The following TIAM1 variants were observed in gnomAD, a reference collection of about 807,000 sequenced individuals.
TIAM1 encodes TIAM Rac1 associated GEF 1.
A neutral mutation model predicts 163.5 loss-of-function variants in TIAM1; 65 were observed. The observed-to-expected ratio is 0.40, with a 90% confidence interval of 0.33 to 0.49. The LOEUF is 0.49. Ranked by LOEUF, TIAM1 falls within the 20% of genes least tolerant of loss-of-function variation. The probability of loss-of-function intolerance (pLI) is 0.77; values close to 1 mark genes in which losing one functional copy is unlikely to be tolerated. For synonymous variants in TIAM1, 833 were observed against 810.1 expected (o/e 1.03, Z -0.48); for missense variants, 1,789 against 2,044.7 (o/e 0.87, Z 2.41).
intron 1 of TIAM1, among the ~76,000 whole-genome samples, chr21:31,519,495 C>T (rs568494376): frequency 8.7e-4 from 105 of 120,884 alleles, no homozygotes; most frequent in Non-Finnish European, 1.2e-3. Flanking sequence ...AGCCACAGAG[C>T]GAGATTCTGT....
chr21:31,538,589 C>T (rs1422639021), intron 1 of TIAM1, among the ~76,000 whole-genome samples: 4 of 152,154 alleles, frequency 2.6e-5, no homozygotes, highest in South Asian at 2.1e-4. Context: ...TGCCTGAGGA[C>T]GCCCAGAATT....
At chr21:31,375,423 G>A (rs547171176) in intron 2 of TIAM1, among the ~76,000 whole-genome samples, 1 of 151,908 alleles carries the variant, frequency 6.6e-6, no homozygotes, top group Non-Finnish European at 1.5e-5. Context: ...CTAAACAATG[G>A]GCAAAATACC....
At chr21:31,510,244 C>G (rs899739864) in intron 1 of TIAM1, among the ~76,000 whole-genome samples, 7 of 152,194 alleles carry the variant, frequency 4.6e-5, no homozygotes, top group African/African-American at 1.7e-4. Context: ...GGCCTCTCCT[C>G]GGCTGGCAGA....
Position 31,144,325 on chromosome 21 carries a change from A to G in TIAM1, c.3475+2570T>C, listed in dbSNP as rs1328405449. Among the ~76,000 whole-genome samples the G allele has an allele frequency of 2.0e-5, 3 of 152,364 alleles. No individual in the cohort carries two copies. In the South Asian group the frequency reaches 6.2e-4, roughly 32 times the overall value. On this transcript the variant is annotated intron_variant, in intron 20 of 27. Transcript: ENST00000541036. ...AGAAGGACCTAGGAACTCTTCCCCA[A>G]CAAAATATTCTCGTCCAAAAATATG... is the stretch of plus-strand genomic sequence containing the variant.
chr21:31,529,861 G>T (rs2047917506), intron 1 of TIAM1, among the ~76,000 whole-genome samples: 1 of 152,158 alleles, frequency 6.6e-6, no homozygotes, highest in South Asian at 2.1e-4. Flanking sequence ...TCTCACCAGG[G>T]AAGATTCCAC....
chr21:31,165,024 C>T lies in TIAM1; in HGVS notation c.2929G>A (p.Ala977Thr), dbSNP rs138776918. 29 of 1,613,952 alleles carry T rather than the reference C, an allele frequency of 1.8e-5. No individual in the cohort carries two copies. The highest frequency in any genetic ancestry group is 3.3e-4 in the Middle Eastern group (2 of 6,084). ...TCTGGCCCCTCGGTCTCCTCTGGAG[C>T]GGTCTCAGCACTGCTGCCCTGCTCG... ...CSEQGSSAET[A>T]PEETEGPDLE... Residue 977 changes from alanine to threonine, a missense_variant, in exon 16 of 28, where the codon GCT (alanine) becomes ACT (threonine). Ala to Thr is a moderately conservative substitution (Grantham distance 58). Coordinates refer to ENST00000541036, the MANE Select transcript of TIAM1 (RefSeq NM_001353694.2).
upstream of TIAM1, among the ~76,000 whole-genome samples, chr21:31,344,866 G>C (rs2076117149): frequency 6.6e-6 from 1 of 152,152 alleles, no homozygotes; most frequent in South Asian, 2.1e-4. Flanking sequence ...CTTCCTCGCT[G>C]AAATACATCC....
intron 2 of TIAM1, among the ~76,000 whole-genome samples, chr21:31,323,702 G>A (rs2152260): frequency 0.58 from 87,858 of 151,600 alleles, 25,895 homozygotes; most frequent in South Asian, 0.7. Context: ...ATGGTGGTGC[G>A]GGCCTGTAAT....
chr21:31,280,907 G>C (rs893226928), intron 2 of TIAM1, among the ~76,000 whole-genome samples: 9 of 151,604 alleles, frequency 5.9e-5, no homozygotes, highest in Admixed American at 3.3e-4. Flanking sequence ...TTGAGGACAG[G>C]AGTTCAAGAC....
chr21:31,495,265 T>C (rs2046602060), intron 1 of TIAM1, among the ~76,000 whole-genome samples: 1 of 152,152 alleles, frequency 6.6e-6, no homozygotes, highest in Non-Finnish European at 1.5e-5. Context: ...AAGAGAAATT[T>C]ATTTTCTCAC....
At chr21:31,470,670 G>C (rs1435803370) in intron 1 of TIAM1, among the ~76,000 whole-genome samples, 1 of 152,206 alleles carries the variant, frequency 6.6e-6, no homozygotes, top group Admixed American at 6.5e-5. Context: ...GTGTGTATGT[G>C]TGCATTTTTC....
intron 2 of TIAM1, among the ~76,000 whole-genome samples, chr21:31,378,439 C>T (rs1268566569): frequency 6.6e-6 from 1 of 152,130 alleles, no homozygotes; most frequent in African/African-American, 2.4e-5. Flanking sequence ...AGTCAGTGTC[C>T]CACATAAAGT....
chr21:31,137,246 G>A (rs905277333), intron 22 of TIAM1, among the ~76,000 whole-genome samples: 24 of 152,234 alleles, frequency 1.6e-4, no homozygotes, highest in African/African-American at 5.8e-4. Flanking sequence ...ACAGGCTACC[G>A]TGCTGAGATG....
chr21:31,276,192 T>A (rs2073292352), intron 3 of TIAM1, among the ~76,000 whole-genome samples: 1 of 152,092 alleles, frequency 6.6e-6, no homozygotes, highest in African/African-American at 2.4e-5. Flanking sequence ...GAGACGAAGT[T>A]CTGAAAGTTT....
chr21:31,332,385 T>A (rs931604141), intron 2 of TIAM1, among the ~76,000 whole-genome samples: 5 of 152,118 alleles, frequency 3.3e-5, no homozygotes, highest in African/African-American at 1.2e-4. Flanking sequence ...AACCTAAGGA[T>A]GCAACTCACA....
At chr21:31,508,223 A>C (rs2047094986) in intron 1 of TIAM1, among the ~76,000 whole-genome samples, 1 of 152,048 alleles carries the variant, frequency 6.6e-6, no homozygotes, top group Non-Finnish European at 1.5e-5. Flanking sequence ...GGGAGACTAC[A>C]TTTGCATTGC....
intron 6 of TIAM1, among the ~76,000 whole-genome samples, chr21:31,234,118 C>T (rs2088599486): frequency 1.3e-5 from 2 of 151,986 alleles, no homozygotes; most frequent in African/African-American, 2.4e-5. Flanking sequence ...TTGCTGAAAG[C>T]CCCCAGCATG....
intron 1 of TIAM1, among the ~76,000 whole-genome samples, chr21:31,487,217 C>T (rs1207080756): frequency 1.1e-4 from 16 of 152,110 alleles, no homozygotes; most frequent in Non-Finnish European, 1.5e-5. Flanking sequence ...GAGGTGGGGG[C>T]TGTTAGTCAT....
intron 16 of TIAM1, chr21:31,160,675 GT>G: frequency 2.5e-6 from 1 of 394,836 alleles, no homozygotes; most frequent in Non-Finnish European, 4.5e-6. Flanking sequence ...TCCCATGCTG[GT>G]TTTCCCATGA....
Sources: gnomAD v4.1 joint callset for allele counts (sites outside exome capture counted in the v4.1 genomes callset) on GRCh38, gnomAD v4.1.1 for gene constraint, MANE v1.5 for transcripts, NCBI Gene and HGNC (gene_info 2026-07-23, HGNC 2026-07-21) for gene names.